Variants in MRPL44 observed in about 807,000 individuals in gnomAD.
MRPL44 encodes large ribosomal subunit protein mL44.
MRPL44 carries 21 observed loss-of-function variants against 25.9 expected under a neutral mutation model. The ratio of observed to expected loss-of-function variants is 0.81; its 90% CI spans 0.58 to 1.17. The LOEUF (loss-of-function observed/expected upper bound fraction) is 1.17, where lower values mean the gene tolerates loss of function less well. MRPL44 is among the 50% of genes most tolerant of loss of function. MRPL44 has a pLI of 0.00. For synonymous variants in MRPL44, 169 were observed against 151.0 expected, an observed-to-expected ratio of 1.12 and a Z score of -0.87; for missense variants, 410 against 398.9, an observed-to-expected ratio of 1.03 and a Z score of -0.24.
chr2:223,963,532 A>AT (rs1227992083), intron 2 of MRPL44, among the ~76,000 whole-genome samples: 1 of 152,106 alleles, frequency 6.6e-6, no homozygotes, highest in Non-Finnish European at 1.5e-5. Flanking sequence ...GGGCTTGCAA[A>AT]TTTTTTTAAT....
Position 223,957,495 on chromosome 2 carries a change from T to G in MRPL44, c.23T>G (p.Leu8Trp). 6.2e-7 allele frequency: 1 copy of G among 1,614,180 alleles called. No homozygotes were observed. The highest frequency in any genetic ancestry group is 1.1e-5 in the South Asian group (1 of 91,090). MASGLVR[L>W]LQQGHRCLLA... is the part of the protein sequence containing the mutation. ...GCAATGGCGTCCGGGCTGGTAAGAT[T>G]GCTGCAGCAGGGACATCGCTGCCTC... The change falls in exon 1 of 4, where the codon TTG becomes TGG. Residue 8 changes from leucine to tryptophan, a missense_variant. Leu to Trp is a moderately conservative substitution (Grantham distance 61). Coordinates refer to ENST00000258383, the MANE Select transcript of MRPL44 (RefSeq NM_022915.5).
chr2:223,961,810 T>C (rs928907245), intron 2 of MRPL44, among the ~76,000 whole-genome samples: 2 of 152,070 alleles, frequency 1.3e-5, no homozygotes, highest in Admixed American at 1.3e-4. Flanking sequence ...TAGCAAAAAA[T>C]AGAAGGAGGC....
In MRPL44 at chr2:223,957,659, C is replaced by A; in HGVS notation, c.179+8C>A. 6.2e-7 allele frequency: 1 copy of A among 1,601,844 alleles called. No homozygotes were observed. The highest frequency in any genetic ancestry group is 1.1e-5 in the South Asian group (1 of 90,756). On this transcript the variant is annotated splice_region_variant and intron_variant, in intron 1 of 3. Transcript: ENST00000258383. Reference sequence around the variant, plus strand: ...GCCGCCGCCCGTGCGCCGGTAGGAGCCACCTCGGGAAGAGGTCTCAGGGTG... The same window carrying A: ...GCCGCCGCCCGTGCGCCGGTAGGAGACACCTCGGGAAGAGGTCTCAGGGTG...
chr2:223,955,775 A>G (rs1397508849), upstream of MRPL44, among the ~76,000 whole-genome samples: 1 of 152,204 alleles, frequency 6.6e-6, no homozygotes, highest in Non-Finnish European at 1.5e-5. Context: ...GAGGGCTGAA[A>G]AACACATTGG....
chr2:223,966,849 T>A lies in MRPL44; in HGVS notation c.828-14T>A. ...TTCCATGTAATTTAAGACTACTGTT[T>A]GTTCTCTTTCTAGTGATAAAAAGTT... On this transcript the variant is annotated splice_polypyrimidine_tract_variant and intron_variant, in intron 3 of 3. Transcript: ENST00000258383. 6.2e-7 allele frequency: 1 copy of A among 1,607,764 alleles called. No individual in the cohort carries two copies. Among genetic ancestry groups the A allele is most frequent in the Middle Eastern group, 1.7e-4 (1 of 6,016 alleles).
the MRPL44 span, among the ~76,000 whole-genome samples, chr2:223,951,723 C>T: frequency 3.3e-5 from 5 of 152,080 alleles, no homozygotes; most frequent in African/African-American, 1.2e-4. Flanking sequence ...AAGTGATCCA[C>T]CCACCTCAGC....
intron 2 of MRPL44, among the ~76,000 whole-genome samples, chr2:223,961,686 G>A (rs908075711): frequency 2.0e-5 from 3 of 152,216 alleles, no homozygotes; most frequent in African/African-American, 7.2e-5. Flanking sequence ...ATGATCAAAT[G>A]TGCATTTTAG....
chr2:223,958,259 T>G (rs1300048978), intron 1 of MRPL44, among the ~76,000 whole-genome samples: 2 of 152,236 alleles, frequency 1.3e-5, no homozygotes, highest in South Asian at 2.1e-4. Flanking sequence ...GATATGTACC[T>G]CACTCTTTTT....
At position 223,967,391 on chromosome 2, in the gene MRPL44, C is replaced by A. The variant is rs750911754; in HGVS notation, c.*357C>A. On this transcript the variant is annotated 3_prime_UTR_variant, in exon 4 of 4. Transcript: ENST00000258383. ...GGGATTACAGGCACACACCACCATA[C>A]CTGGCTAATTTTTGTATTTTTGGTA... 1.1e-4 allele frequency: 19 copies of A among 166,550 alleles called. No homozygotes were observed. The highest frequency in any genetic ancestry group is 2.2e-4 in the Non-Finnish European group (17 of 77,222). 10.3% of individuals were successfully genotyped at this position (166,550 alleles called of 1,614,324 possible). A position where few individuals can be genotyped will look rare whatever the true frequency, so the allele number is the denominator to read the frequency against.
chr2:223,955,865 G>T (rs977678007), upstream of MRPL44, among the ~76,000 whole-genome samples: 3 of 152,188 alleles, frequency 2.0e-5, no homozygotes, highest in Non-Finnish European at 4.4e-5. Context: ...TGAATAAATA[G>T]ACAAATGTAT....
Position 223,962,356 on chromosome 2 carries a change from T to C in MRPL44, c.649-1400T>C, listed in dbSNP as rs180705795. Among the ~76,000 whole-genome samples the C allele has an allele frequency of 4.5e-3, 684 of 152,298 alleles. 2 individuals are homozygous for C. The highest frequency in any genetic ancestry group is 0.016 in the African/African-American group (659 of 41,558). On this transcript the variant is annotated intron_variant, in intron 2 of 3. Transcript: ENST00000258383. ...TATTTTTTATTAATGAAGCTGAAAG[T>C]GTTCTGGTGCTTGGAGGAGTGTTGT...
In MRPL44 at chr2:223,959,880, G is replaced by A. The variant is rs1454032403; in HGVS notation, c.526G>A (p.Glu176Lys). The change falls in exon 2 of 4, where the codon GAG becomes AAG. Residue 176 changes from glutamate (E) to lysine (K), a missense_variant. Glu to Lys is a moderately conservative substitution (Grantham distance 56). Coordinates refer to ENST00000258383, the MANE Select transcript of MRPL44 (RefSeq NM_022915.5). ...VCHVARNLAV[E>K]QLTLSEEFPV... Reference sequence around the variant, plus strand: ...TCACGTGGCTAGAAACTTGGCTGTGGAGCAGTTAACACTGAGTGAAGAATT... The same window carrying A: ...TCACGTGGCTAGAAACTTGGCTGTGAAGCAGTTAACACTGAGTGAAGAATT... The A allele has an allele frequency of 6.2e-7, 1 of 1,614,062 alleles. No individual in the cohort carries two copies. Among genetic ancestry groups the A allele is most frequent in the Non-Finnish European group, 8.5e-7 (1 of 1,180,038 alleles).
chr2:223,965,685 C>CCAGT (rs1455886710), intron 3 of MRPL44: 10 of 152,058 alleles, frequency 6.6e-5, no homozygotes, highest in Admixed American at 5.2e-4. Flanking sequence ...TATAGAAATA[C>CCAGT]CAGTAAAGCA....
At chr2:223,962,227 TATGGTG>T (rs1485091104) in intron 2 of MRPL44, among the ~76,000 whole-genome samples, 2 of 152,112 alleles carry the variant, frequency 1.3e-5, no homozygotes, top group Non-Finnish European at 2.9e-5. Context: ...GTGGTCTCAT[TATGGTG>T]TTCAAGCTGG....
At chr2:223,964,175 C>T (rs545736291) in intron 3 of MRPL44, among the ~76,000 whole-genome samples, 2 of 152,300 alleles carry the variant, frequency 1.3e-5, no homozygotes, top group South Asian at 4.1e-4. Flanking sequence ...TTGCTAATAG[C>T]TTTTGTCAGC....
At chr2:223,966,084 C>T (rs991211038) in intron 3 of MRPL44, among the ~76,000 whole-genome samples, 4 of 151,974 alleles carry the variant, frequency 2.6e-5, no homozygotes, top group East Asian at 1.9e-4. Context: ...ACTAGCTGGG[C>T]GTGTTGGCGG....
At chr2:223,961,501 C>T (rs535010870) in intron 2 of MRPL44, among the ~76,000 whole-genome samples, 10 of 152,166 alleles carry the variant, frequency 6.6e-5, no homozygotes, top group Non-Finnish European at 1.5e-4. Context: ...TCAGGCACCC[C>T]CTCAGAGTAC....
At chr2:223,963,408 C>T (rs148875008) in intron 2 of MRPL44, among the ~76,000 whole-genome samples, 1 of 151,864 alleles carries the variant, frequency 6.6e-6, no homozygotes, top group Non-Finnish European at 1.5e-5. Context: ...CACGCCTCTG[C>T]ACCTCTAGCC....
In MRPL44 at chr2:223,963,771, C is replaced by A; in HGVS notation, c.664C>A (p.Gln222Lys). Residue 222 changes from glutamine (Q) to lysine (K), a missense_variant, in exon 3 of 4, where the codon CAA (glutamine) becomes AAA (lysine). By Grantham distance (53) the Gln-to-Lys change is moderately conservative. Coordinates refer to ENST00000258383, the MANE Select transcript of MRPL44 (RefSeq NM_022915.5). ...ALFIRDFLITQMTGKELFEMW... is the reference protein window; with the variant it reads ...ALFIRDFLITKMTGKELFEMW... Reference sequence around the variant, plus strand: ...TTATATGCAGGACTTCTTAATTACTCAAATGACTGGAAAAGAGCTCTTTGA... The same window carrying A: ...TTATATGCAGGACTTCTTAATTACTAAAATGACTGGAAAAGAGCTCTTTGA... The A allele has an allele frequency of 6.3e-7, 1 of 1,599,366 alleles. No individual in the cohort carries two copies. Among genetic ancestry groups the A allele is most frequent in the South Asian group, 1.1e-5 (1 of 87,460 alleles).
Sources: allele counts gnomAD v4.1 joint callset (sites outside exome capture counted in the v4.1 genomes callset), GRCh38; gene constraint gnomAD v4.1.1; transcripts MANE v1.5; gene names NCBI Gene and HGNC (gene_info 2026-07-23, HGNC 2026-07-21).